ATP2B3: variants seen among roughly 807,000 people sequenced by gnomAD.
The protein encoded by ATP2B3 is ATPase plasma membrane Ca2+ transporting 3, also known as plasma membrane calcium-transporting ATPase 3.
A neutral mutation model predicts 70.8 loss-of-function variants in ATP2B3; 12 were observed. The observed-to-expected ratio is 0.17, with a 90% CI of 0.11 to 0.27. The LOEUF (loss-of-function observed/expected upper bound fraction) is 0.27, where lower values mean the gene tolerates loss of function less well. Ranked by LOEUF, ATP2B3 falls within the 10% of genes least tolerant of loss-of-function variation. The probability of loss-of-function intolerance (pLI) is 1.00; values close to 1 mark genes in which losing one functional copy is unlikely to be tolerated. For synonymous variants in ATP2B3, 460 were observed against 497.8 expected (o/e 0.92, Z 1.01); for missense variants, 858 against 1,118.5 (o/e 0.77, Z 3.32).
At chrX:153,540,776 C>T (rs1218044514) in intron 3 of ATP2B3, among the ~76,000 whole-genome samples, 1 of 112,531 alleles carries the variant, frequency 8.9e-6, no homozygotes, top group Non-Finnish European at 1.9e-5. Flanking sequence ...GAGGTGTTTC[C>T]TGACAGGCAC....
chrX:153,528,782 CACA>C (rs781858623), intron 2 of ATP2B3, among the ~76,000 whole-genome samples: 337 of 112,296 alleles, frequency 3.0e-3, no homozygotes, highest in African/African-American at 0.01. Context: ...CACCTGTCCC[CACA>C]TCAGCATTCC....
chrX:153,531,873 G>A (rs141470351), intron 2 of ATP2B3, among the ~76,000 whole-genome samples: 4,203 of 112,384 alleles, frequency 0.037, 89 homozygotes, highest in Middle Eastern at 0.073. Flanking sequence ...ATCCCGATGC[G>A]TGCATCACCT....
Position 153,580,299 on chromosome X carries a change from C to A in ATP2B3, c.*1C>A. ...CCACAGCGTGGAGACGTCCCTCTAA[C>A]AAGAACTTGTCTCAGCACATGCGCA... On this transcript the variant is annotated 3_prime_UTR_variant, in exon 22 of 22. Transcript: ENST00000263519. The A allele has an allele frequency of 8.3e-7, 1 of 1,203,366 alleles. No homozygotes were observed. The highest frequency in any genetic ancestry group is 2.2e-5 in the Admixed American group (1 of 45,884).
At chrX:153,561,414 CAA>C (rs2090622285) in intron 19 of ATP2B3, among the ~76,000 whole-genome samples, 1 of 112,160 alleles carries the variant, frequency 8.9e-6, no homozygotes, top group African/African-American at 3.2e-5. Flanking sequence ...GCCAAAAGGT[CAA>C]GAGACAGTTG....
At chrX:153,535,829 C>T (rs1460716787) in intron 2 of ATP2B3, among the ~76,000 whole-genome samples, 2 of 112,413 alleles carry the variant, frequency 1.8e-5, no homozygotes, top group Non-Finnish European at 3.8e-5. Context: ...CTGCCTCCAG[C>T]TAGCTAGTGT....
intron 21 of ATP2B3, among the ~76,000 whole-genome samples, chrX:153,579,608 C>T (rs1249042746): frequency 8.9e-6 from 1 of 112,300 alleles, no homozygotes; most frequent in Non-Finnish European, 1.9e-5. Flanking sequence ...CAGGGAACTG[C>T]GGGGTCACAG....
chrX:153,568,984 C>T (rs146152869), intron 21 of ATP2B3, among the ~76,000 whole-genome samples: 2,562 of 112,878 alleles, frequency 0.023, 67 homozygotes, highest in African/African-American at 0.077. Context: ...CTCAGTTTCC[C>T]CAGCCTTGCT....
intron 21 of ATP2B3, among the ~76,000 whole-genome samples, chrX:153,578,679 G>A (rs897395455): frequency 8.9e-6 from 1 of 112,592 alleles, no homozygotes; most frequent in Admixed American, 9.3e-5. Flanking sequence ...GGGGCACAGC[G>A]GGAGCTCTTT....
intron 2 of ATP2B3, among the ~76,000 whole-genome samples, chrX:153,529,302 G>A (rs1557000964): frequency 8.9e-6 from 1 of 112,308 alleles, no homozygotes; most frequent in East Asian, 2.8e-4. Flanking sequence ...GGTGTTAAAA[G>A]TCACAGAGGC....
chrX:153,527,627 G>A (rs1051501062), intron 2 of ATP2B3, among the ~76,000 whole-genome samples: 3 of 112,777 alleles, frequency 2.7e-5, no homozygotes, highest in African/African-American at 6.4e-5. Flanking sequence ...CTCCCCGTGG[G>A]ATCCAGGGAC....
At chrX:153,569,088 TC>T (rs1252940711) in intron 21 of ATP2B3, among the ~76,000 whole-genome samples, 4 of 112,244 alleles carry the variant, frequency 3.6e-5, no homozygotes, top group Non-Finnish European at 7.5e-5. Flanking sequence ...CTAGGTCCAT[TC>T]TTCTGCTGAA....
In ATP2B3 at chrX:153,558,432, A is replaced by C. The variant is rs1222810045; in HGVS notation, c.2625+129A>C. On this transcript the variant is annotated intron_variant, in intron 17 of 21. Transcript: ENST00000263519. ...TAATTGAGATCAAATTCATATGCCAAAAATTCACCATTTTCAAGTACATAA... is the reference window on the plus strand; with the variant it reads ...TAATTGAGATCAAATTCATATGCCACAAATTCACCATTTTCAAGTACATAA... 7.2e-6 allele frequency: 5 copies of C among 690,088 alleles called. No homozygotes were observed. In the African/African-American group the frequency reaches 1.1e-4, roughly 15 times the overall value. The allele number at this position is 690,088 out of a possible 1,213,427, so 56.9% of individuals were successfully genotyped here. A position where few individuals can be genotyped will look rare whatever the true frequency, so the allele number is the denominator to read the frequency against.
chrX:153,553,119 G>T lies in ATP2B3; in HGVS notation c.1908G>T (p.Glu636Asp). The T allele has an allele frequency of 8.3e-7, 1 of 1,210,417 alleles. No homozygotes were observed. The highest frequency in any genetic ancestry group is 1.1e-6 in the Non-Finnish European group (1 of 894,253). The change falls in exon 13 of 22, where the codon GAG becomes GAT. Residue 636 changes from glutamate (E) to aspartate (D), a missense_variant. By Grantham distance (45) the Glu-to-Asp change is conservative. Around this residue, in one of 5 missense-constraint regions of ATP2B3, gnomAD observed 242 missense variants for 281.3 expected, o/e 0.86. Coordinates refer to ENST00000263519, the MANE Select transcript of ATP2B3 (RefSeq NM_001001344.3). ...DRDDMVRKII[E>D]PMACDGLRTI... ...ACGACATGGTGAGGAAGATCATCGA[G>T]CCGATGGCTTGCGATGGCCTCCGCA...
At chrX:153,544,794 G>A (rs1296532917) in intron 7 of ATP2B3, among the ~76,000 whole-genome samples, 1 of 112,044 alleles carries the variant, frequency 8.9e-6, no homozygotes, top group Non-Finnish European at 1.9e-5. Flanking sequence ...CCCCACTCCT[G>A]TCTCTTCTGG....
In ATP2B3 at chrX:153,548,921, G is replaced by A. The variant is rs782343447; in HGVS notation, c.1338+67G>A. Reference sequence around the variant, plus strand: ...AAACTGGGGTAAGAAGTCATTGGGCGCCTTGGTGGCAGTATAAACTGGGGA... The same window carrying A: ...AAACTGGGGTAAGAAGTCATTGGGCACCTTGGTGGCAGTATAAACTGGGGA... On this transcript the variant is annotated intron_variant, in intron 10 of 21. Transcript: ENST00000263519. The A allele has an allele frequency of 1.1e-3, 1,159 of 1,047,170 alleles. 2 individuals are homozygous for A. Among genetic ancestry groups the A allele is most frequent in the Non-Finnish European group, 1.1e-3 (817 of 765,928 alleles). 86.3% of individuals were successfully genotyped at this position (1,047,170 alleles called of 1,213,427 possible).
chrX:153,558,219 C>T lies in ATP2B3; in HGVS notation c.2541C>T (p.Asp847=). ...TCATGTGGGGCCGTAACGTCTATGA[C>T]AGCATCTCCAAGTTCCTGCAGTTTC... ...KAVMWGRNVY[D]SISKFLQFQL... Residue 847 remains aspartate, a synonymous_variant, in exon 17 of 22, where the codon GAC becomes GAT. Transcript: ENST00000263519. The T allele has an allele frequency of 8.3e-7, 1 of 1,211,868 alleles. No individual in the cohort carries two copies. The highest frequency in any genetic ancestry group is 1.1e-6 in the Non-Finnish European group (1 of 895,540).
intron 21 of ATP2B3, among the ~76,000 whole-genome samples, chrX:153,575,739 G>A (rs2090848614): frequency 8.9e-6 from 1 of 112,400 alleles, no homozygotes; most frequent in Non-Finnish European, 1.9e-5. Flanking sequence ...CAGGTGGAAT[G>A]GAAGGCCGAG....
chrX:153,555,906 T>A, intron 13 of ATP2B3, 143 bp from the exon 14 acceptor site: 1 of 651,352 alleles, frequency 1.5e-6, no homozygotes, highest in African/African-American at 2.2e-5. Context: ...ACACAAGTGT[T>A]CTGAGCACGT....
At chrX:153,578,827 G>C (rs782363217) in intron 21 of ATP2B3, among the ~76,000 whole-genome samples, 2 of 112,587 alleles carry the variant, frequency 1.8e-5, no homozygotes, top group Admixed American at 9.3e-5. Context: ...AGGAGGAGAC[G>C]GGAGAGAGGA....
Sources: allele counts gnomAD v4.1 joint callset (sites outside exome capture counted in the v4.1 genomes callset), GRCh38; gene constraint gnomAD v4.1.1; regional missense constraint gnomAD v4.1.1; transcripts MANE v1.5; gene names NCBI Gene and HGNC (gene_info 2026-07-23, HGNC 2026-07-21).